WDR70: variants seen among roughly 807,000 people sequenced by gnomAD.
WDR70 encodes the protein WD repeat-containing protein 70.
A neutral mutation model predicts 88.6 loss-of-function variants in WDR70; 53 were observed. The ratio of observed to expected loss-of-function variants is 0.60; its 90% CI spans 0.48 to 0.75. WDR70 has a LOEUF of 0.75. Among genes scored for constraint, WDR70 ranks in the 30% least tolerant of loss-of-function variants. WDR70 has a pLI of 0.00. For missense variants in WDR70, 610 were observed against 823.2 expected, an observed-to-expected ratio of 0.74 and a Z score of 3.17; for synonymous variants, 280 against 270.0, an observed-to-expected ratio of 1.04 and a Z score of -0.36.
At chr5:37,720,144 AT>A (rs1329368409) in intron 13 of WDR70, among the ~76,000 whole-genome samples, 2 of 152,144 alleles carry the variant, frequency 1.3e-5, no homozygotes, top group East Asian at 1.9e-4. Flanking sequence ...CATGATTTTC[AT>A]TTTACCACTA....
At chr5:37,460,483 T>C (rs1315572726) in intron 7 of WDR70, among the ~76,000 whole-genome samples, 1 of 59,968 alleles carries the variant, frequency 1.7e-5, no homozygotes, top group Non-Finnish European at 3.6e-5. Flanking sequence ...AGGTGGGAAT[T>C]GAACAATGAG....
At chr5:37,524,682 C>T (rs1426074709) in intron 9 of WDR70, among the ~76,000 whole-genome samples, 1 of 152,112 alleles carries the variant, frequency 6.6e-6, no homozygotes, top group Non-Finnish European at 1.5e-5. Context: ...AAGACACAGA[C>T]TGGCAAATTG....
chr5:37,525,586 C>T (rs1444776659), intron 9 of WDR70, among the ~76,000 whole-genome samples: 1 of 152,080 alleles, frequency 6.6e-6, no homozygotes, highest in Non-Finnish European at 1.5e-5. Flanking sequence ...GAAGCAAGAG[C>T]AAACACATTC....
chr5:37,653,279 G>A (rs779287057), intron 10 of WDR70, among the ~76,000 whole-genome samples: 29 of 152,022 alleles, frequency 1.9e-4, no homozygotes, highest in Non-Finnish European at 2.8e-4. Context: ...CTTGCATCCC[G>A]GGGATGAAGC....
rs114889413 is a variant in WDR70 at position 37,490,288 on chromosome 5, T to G, written c.840+10301T>G. ...ACATGTCCTGGATAGTGTCCTTGGGTGGTGGTTGCAGCAGCAGTAGTAGGC... is the reference window on the plus strand; with the variant it reads ...ACATGTCCTGGATAGTGTCCTTGGGGGGTGGTTGCAGCAGCAGTAGTAGGC... On this transcript the variant is annotated intron_variant, in intron 8 of 17. Coordinates refer to ENST00000265107, the MANE Select transcript of WDR70 (RefSeq NM_018034.4). Among the ~76,000 whole-genome samples, 1,204 of 151,782 alleles carry G rather than the reference T, an allele frequency of 7.9e-3. 15 individuals are homozygous for G. The highest frequency in any genetic ancestry group is 0.028 in the African/African-American group (1,143 of 41,324).
At chr5:37,651,653 A>T (rs1262838803) in intron 10 of WDR70, among the ~76,000 whole-genome samples, 1 of 152,162 alleles carries the variant, frequency 6.6e-6, no homozygotes, top group Admixed American at 6.5e-5. Context: ...CACCATTCTG[A>T]CTGGCATGAG....
chr5:37,393,505 A>G (rs1748912286), intron 4 of WDR70, among the ~76,000 whole-genome samples: 1 of 151,836 alleles, frequency 6.6e-6, no homozygotes, highest in East Asian at 1.9e-4. Flanking sequence ...ATTGTTGTAA[A>G]TGTCCTTCTT....
chr5:37,545,338 G>A (rs1741953194), intron 9 of WDR70, among the ~76,000 whole-genome samples: 1 of 152,010 alleles, frequency 6.6e-6, no homozygotes, highest in Admixed American at 6.6e-5. Flanking sequence ...CATAGTGTGT[G>A]ATTTTTTGAT....
At chr5:37,698,476 C>A (rs1017065491) in intron 11 of WDR70, among the ~76,000 whole-genome samples, 2 of 140,496 alleles carry the variant, frequency 1.4e-5, no homozygotes, top group East Asian at 4.5e-4. Context: ...TCTTAAATAT[C>A]ACATAAGGAA....
intron 9 of WDR70, among the ~76,000 whole-genome samples, chr5:37,534,499 C>CTTTTTTT (rs369030841): frequency 3.0e-5 from 4 of 133,194 alleles, no homozygotes; most frequent in Non-Finnish European, 3.1e-5. Flanking sequence ...ACAAATCAGG[C>CTTTTTTT]TTTTTTTTTT....
chr5:37,444,336 C>CTCTT (rs1738393335), intron 7 of WDR70, among the ~76,000 whole-genome samples: 1 of 94,204 alleles, frequency 1.1e-5, no homozygotes, highest in South Asian at 4.6e-4. Flanking sequence ...CAGCCTTTCT[C>CTCTT]TTTTTTTTTT....
intron 5 of WDR70, among the ~76,000 whole-genome samples, chr5:37,407,272 A>C (rs764205508): frequency 6.6e-6 from 1 of 152,220 alleles, no homozygotes; most frequent in Non-Finnish European, 1.5e-5. Context: ...CTGTAATCCC[A>C]GCACTTGGGG....
intron 7 of WDR70, among the ~76,000 whole-genome samples, chr5:37,446,050 A>C (rs999365701): frequency 9.2e-5 from 14 of 152,226 alleles, no homozygotes; most frequent in Non-Finnish European, 1.2e-4. Flanking sequence ...CCATCGTCTC[A>C]GCCCCAAAAC....
intron 10 of WDR70, among the ~76,000 whole-genome samples, chr5:37,630,802 C>T (rs1744793185): frequency 6.6e-6 from 1 of 152,170 alleles, no homozygotes; most frequent in African/African-American, 2.4e-5. Flanking sequence ...AGGAGCATTC[C>T]AGAGGTGCCT....
chr5:37,594,135 G>A (rs954293312), intron 9 of WDR70, among the ~76,000 whole-genome samples: 2 of 151,808 alleles, frequency 1.3e-5, no homozygotes, highest in African/African-American at 4.8e-5. Context: ...TTTGCCGTAT[G>A]GAAGCTCTTT....
chr5:37,418,727 C>T (rs942969862), intron 5 of WDR70, among the ~76,000 whole-genome samples: 2 of 151,800 alleles, frequency 1.3e-5, no homozygotes, highest in Admixed American at 6.6e-5. Flanking sequence ...TTTCTGTTAC[C>T]CAAGGATATT....
intron 17 of WDR70, among the ~76,000 whole-genome samples, chr5:37,739,101 C>G (rs545796638): frequency 1.9e-3 from 292 of 152,260 alleles, no homozygotes; most frequent in African/African-American, 6.6e-3. Context: ...ATGAGTTACT[C>G]AAACTGGAAA....
intron 17 of WDR70, among the ~76,000 whole-genome samples, chr5:37,734,761 A>G (rs1236128599): frequency 1.3e-5 from 2 of 152,132 alleles, no homozygotes; most frequent in African/African-American, 4.8e-5. Context: ...AGAGCATCCC[A>G]TGCAGCGAAC....
chr5:37,381,527 G>C, intron 2 of WDR70, 75 bp from the exon 3 acceptor site: 1 of 1,126,864 alleles, frequency 8.9e-7, no homozygotes, highest in South Asian at 1.2e-5. Context: ...AGTGTTTATT[G>C]ATCAGTATTG....
Sources: gnomAD v4.1 joint callset for allele counts (sites outside exome capture counted in the v4.1 genomes callset) on GRCh38, gnomAD v4.1.1 for gene constraint, MANE v1.5 for transcripts, NCBI Gene and HGNC (gene_info 2026-07-23, HGNC 2026-07-21) for gene names.